The following STMN3 variants were observed in gnomAD, a reference collection of about 807,000 sequenced individuals.
STMN3 encodes the protein stathmin 3.
Under a neutral mutation model 23.2 loss-of-function variants are expected in STMN3, and 24 were observed. The ratio of observed to expected loss-of-function variants is 1.03; its 90% CI spans 0.75 to 1.45. STMN3 has a LOEUF of 1.45. STMN3 is among the 40% of genes most tolerant of loss of function. The pLI, the probability that STMN3 is intolerant of heterozygous loss-of-function variation, is 0.00. For missense variants in STMN3, 235 were observed against 237.6 expected (o/e 0.99, Z 0.07); for synonymous variants, 117 against 103.4 (o/e 1.13, Z -0.80).
chr20:63,648,471 C>A (rs1307117045), intron 1 of STMN3, among the ~76,000 whole-genome samples: 1 of 152,220 alleles, frequency 6.6e-6, no homozygotes, highest in Non-Finnish European at 1.5e-5. Flanking sequence ...CGCAGTGGCT[C>A]ACGCCTGTAA....
intron 1 of STMN3, among the ~76,000 whole-genome samples, chr20:63,648,206 A>T (rs971383722): frequency 3.3e-5 from 5 of 151,884 alleles, no homozygotes; most frequent in Non-Finnish European, 2.9e-5. Context: ...GCAGCAGGTC[A>T]GGAGACATTG....
At chr20:63,645,999 AGG>A (rs2089806188) in intron 1 of STMN3, among the ~76,000 whole-genome samples, 1 of 151,972 alleles carries the variant, frequency 6.6e-6, no homozygotes, top group Non-Finnish European at 1.5e-5. Flanking sequence ...GGAGGGAGGG[AGG>A]GAGGAAAAGA....
At chr20:63,647,821 A>G (rs890242351) in intron 1 of STMN3, among the ~76,000 whole-genome samples, 1 of 128,468 alleles carries the variant, frequency 7.8e-6, no homozygotes, top group Non-Finnish European at 1.7e-5. Flanking sequence ...GTGTATATAT[A>G]ATATATATAC....
In STMN3 at chr20:63,653,410, GGCTGGT is replaced by G; in HGVS notation, c.-71_-66del. ...GCAAGTGGCGGCCGGAGCTGCAGAC[GGCTGGT>G]GCTGCAGTGCCGGGGAGGGGAGGGG... is the stretch of plus-strand genomic sequence containing the variant. On this transcript the variant is annotated 5_prime_UTR_variant, in exon 1 of 5. Coordinates refer to ENST00000370053, the MANE Select transcript of STMN3 (RefSeq NM_015894.4). 1 of 1,512,600 alleles carries G rather than the reference GGCTGGT, an allele frequency of 6.6e-7. No individual in the cohort carries two copies. The highest frequency in any genetic ancestry group is 8.9e-7 in the Non-Finnish European group (1 of 1,126,474). 93.7% of individuals were successfully genotyped at this position (1,512,600 alleles called of 1,614,324 possible). A position where few individuals can be genotyped will look rare whatever the true frequency, so the allele number is the denominator to read the frequency against.
intron 3 of STMN3, among the ~76,000 whole-genome samples, chr20:63,642,658 T>G (rs1361835174): frequency 2.6e-5 from 4 of 152,152 alleles, no homozygotes; most frequent in Non-Finnish European, 2.9e-5. Flanking sequence ...AACCCTAAAC[T>G]TGTGGGCGGT....
chr20:63,640,261 C>T lies in STMN3; in HGVS notation c.*1077G>A, dbSNP rs1322101974. On this transcript the variant is annotated 3_prime_UTR_variant, in exon 5 of 5. Coordinates refer to ENST00000370053, the MANE Select transcript of STMN3 (RefSeq NM_015894.4). Reference sequence around the variant, plus strand: ...ACCGTCCTCCAAGGCCAGCACTGGGCGTCCAAGGGAAAGAAGGAACTCAGC... The same window carrying T: ...ACCGTCCTCCAAGGCCAGCACTGGGTGTCCAAGGGAAAGAAGGAACTCAGC... 8 of 152,672 alleles carry T rather than the reference C, an allele frequency of 5.2e-5. No individual in the cohort carries two copies. Among genetic ancestry groups the T allele is most frequent in the East Asian group, 3.8e-4 (2 of 5,256 alleles). The allele number at this position is 152,672 out of a possible 1,614,324, so 9.5% of individuals were successfully genotyped here.
intron 1 of STMN3, among the ~76,000 whole-genome samples, chr20:63,644,586 A>G (rs1868849459): frequency 6.6e-6 from 1 of 151,896 alleles, no homozygotes; most frequent in Non-Finnish European, 1.5e-5. Context: ...TGTCTGTCTC[A>G]TCTTCCACAC....
intron 1 of STMN3, among the ~76,000 whole-genome samples, chr20:63,647,686 C>CAT (rs1569069788): frequency 5.8e-5 from 7 of 121,572 alleles, no homozygotes; most frequent in African/African-American, 1.2e-4. Flanking sequence ...TATATATACA[C>CAT]GTGTATATAT....
In STMN3 at chr20:63,642,180, G is replaced by A; in HGVS notation, c.411C>T (p.Asn137=). The change falls in exon 4 of 5, where the codon AAC becomes AAT. Residue 137 remains asparagine (N), a synonymous_variant. Transcript: ENST00000370053. ...TCTCCTTGCTGAGCTCCATCTTGTA[G>A]TTGAGCTTCTCCTCCGCCTGGCGGC... is the stretch of plus-strand genomic sequence containing the variant. ...NFSRQAEEKL[N]YKMELSKEIR... 1 of 1,558,314 alleles carries A rather than the reference G, an allele frequency of 6.4e-7. No homozygotes were observed. The highest frequency in any genetic ancestry group is 2.6e-5 in the East Asian group (1 of 37,800).
chr20:63,642,151 C>A lies in STMN3; in HGVS notation c.440G>T (p.Arg147Leu). The A allele has an allele frequency of 6.5e-7, 1 of 1,537,458 alleles. No individual in the cohort carries two copies. Among genetic ancestry groups the A allele is most frequent in the Admixed American group, 2.0e-5 (1 of 50,894 alleles). The change falls in exon 4 of 5, where the codon CGC (arginine) becomes CTC (leucine). Residue 147 changes from arginine to leucine, a missense_variant. Coordinates refer to ENST00000370053, the MANE Select transcript of STMN3 (RefSeq NM_015894.4). ...GCGCAGTGCGGCCAGGTGTGCCTCG[C>A]GGATCTCCTTGCTGAGCTCCATCTT... The part of the protein sequence containing the change: ...NYKMELSKEI[R>L]EAHLAALRER...
In STMN3 at chr20:63,649,842, T is replaced by C. The variant is rs1331118726; in HGVS notation, c.19+3485A>G. Among the ~76,000 whole-genome samples the C allele has an allele frequency of 4.0e-5, 6 of 148,842 alleles. 1 individual carries two copies. In the Admixed American group the frequency reaches 4.0e-4, roughly 10 times the overall value. On this transcript the variant is annotated intron_variant, in intron 1 of 4. Transcript: ENST00000370053. ...ACCGCGCCTGGACTTTTTTTTTTTT[T>C]TTAAGACGGGGTCTCACTCTGTCAC...
At chr20:63,646,954 A>G (rs1173861652) in intron 1 of STMN3, among the ~76,000 whole-genome samples, 1 of 151,628 alleles carries the variant, frequency 6.6e-6, no homozygotes, top group Middle Eastern at 3.2e-3. Context: ...GGGTTTCACT[A>G]TGTTGGTCAG....
At position 63,652,151 on chromosome 20, in the gene STMN3, G is replaced by A. The variant is rs577950906; in HGVS notation, c.19+1176C>T. ...TCCTGGCAGGTGCTGAAGTCACCTG[G>A]AGCCTCCAAGCCCGTGGGGCCTGAG... On this transcript the variant is annotated intron_variant, in intron 1 of 4. Transcript: ENST00000370053. The surrounding 1 kb of genome is among the most constrained non-coding windows in gnomAD (Gnocchi z 5.3). 1.3e-5 allele frequency: 2 copies of A among 152,426 alleles called. No individual in the cohort carries two copies. Among genetic ancestry groups the A allele is most frequent in the African/African-American group, 4.8e-5 (2 of 41,574 alleles). 9.4% of individuals were successfully genotyped at this position (152,426 alleles called of 1,614,324 possible). A position where few individuals can be genotyped will look rare whatever the true frequency, so the allele number is the denominator to read the frequency against.
At chr20:63,647,635 CATATAT>C (rs1241218689) in intron 1 of STMN3, among the ~76,000 whole-genome samples, 1 of 137,146 alleles carries the variant, frequency 7.3e-6, no homozygotes, top group Non-Finnish European at 1.6e-5. Context: ...CACAAACAAA[CATATAT>C]ATATATACAT....
intron 4 of STMN3, among the ~76,000 whole-genome samples, chr20:63,641,636 C>G (rs1236669545): frequency 6.6e-6 from 1 of 152,210 alleles, no homozygotes; most frequent in Non-Finnish European, 1.5e-5. Context: ...CGTACCGGAG[C>G]CGAGCTTCCT....
intron 1 of STMN3, among the ~76,000 whole-genome samples, chr20:63,651,635 T>A (rs938531708): frequency 7.2e-5 from 11 of 152,170 alleles, no homozygotes; most frequent in Non-Finnish European, 1.3e-4. Context: ...AGCACTCATC[T>A]CTTAGCAGGC....
chr20:63,653,067 C>T (rs1033429302), intron 1 of STMN3, among the ~76,000 whole-genome samples: 78 of 151,736 alleles, frequency 5.1e-4, no homozygotes, highest in African/African-American at 1.8e-3. Flanking sequence ...GCGTGGCACG[C>T]TGCTCCCCCA....
At chr20:63,650,262 C>A (rs2089847332) in intron 1 of STMN3, among the ~76,000 whole-genome samples, 1 of 152,182 alleles carries the variant, frequency 6.6e-6, no homozygotes, top group African/African-American at 2.4e-5. Context: ...ACAATTCTCG[C>A]AGTGAGCTGG....
rs553159111 is a variant in STMN3, at chr20:63,647,128, C to T, written c.20-2819G>A. On this transcript the variant is annotated intron_variant, in intron 1 of 4. Transcript: ENST00000370053. ...TTCAAGACCAACCTGGCCAACATGG[C>T]GAAACCCTGTCTCTACTACAAATAT... 6.3e-4 allele frequency among the ~76,000 whole-genome samples: 95 copies of T among 150,746 alleles called. 1 individual carries two copies. Among genetic ancestry groups the T allele is most frequent in the Non-Finnish European group, 1.1e-3 (75 of 67,806 alleles).
Sources: allele counts gnomAD v4.1 joint callset (sites outside exome capture counted in the v4.1 genomes callset), GRCh38; gene constraint gnomAD v4.1.1; non-coding constraint Gnocchi (gnomAD v3.1); transcripts MANE v1.5; gene names NCBI Gene and HGNC (gene_info 2026-07-23, HGNC 2026-07-21).